ATL2: variants seen among roughly 807,000 people sequenced by gnomAD.
ATL2 encodes the protein atlastin GTPase 2.
Under a neutral mutation model 73.9 loss-of-function variants are expected in ATL2, and 31 were observed. The observed-to-expected ratio is 0.42, with a 90% CI of 0.32 to 0.57. The LOEUF (loss-of-function observed/expected upper bound fraction) is 0.57. ATL2 is among the 20% of genes least tolerant of loss of function. ATL2 has a pLI of 0.14. For missense variants in ATL2, 738 were observed against 702.6 expected (o/e 1.05, Z -0.57); for synonymous variants, 291 against 237.5 (o/e 1.23, Z -2.07).
Position 38,356,468 on chromosome 2 carries a change from C to G in ATL2, c.119-12956G>C, listed in dbSNP as rs193276593. On this transcript the variant is annotated intron_variant, in intron 1 of 12. Transcript: ENST00000378954. ...TCAGCCTCCCAAAGTGCTGGGATTA[C>G]AGGCATGAGCCACCACGCCTGGCCC... is the stretch of plus-strand genomic sequence containing the variant. 6.6e-5 allele frequency among the ~76,000 whole-genome samples: 10 copies of G among 152,272 alleles called. No homozygotes were observed. In the East Asian group the frequency reaches 1.5e-3, roughly 23 times the overall value.
chr2:38,301,120 G>C (rs1424172630), intron 9 of ATL2, among the ~76,000 whole-genome samples: 2 of 152,058 alleles, frequency 1.3e-5, no homozygotes, highest in Admixed American at 1.3e-4. Context: ...ACAGGCATGC[G>C]CCACCACATC....
At chr2:38,376,782 A>C (rs1671995313) in intron 1 of ATL2, among the ~76,000 whole-genome samples, 1 of 150,638 alleles carries the variant, frequency 6.6e-6, no homozygotes, top group Non-Finnish European at 1.5e-5. Flanking sequence ...GCCGCAGCCG[A>C]CCTCCCCGCG....
chr2:38,368,778 T>A (rs958157006), intron 1 of ATL2, among the ~76,000 whole-genome samples: 1 of 152,082 alleles, frequency 6.6e-6, no homozygotes, highest in African/African-American at 2.4e-5. Flanking sequence ...GCTCAAAAAA[T>A]ATTAAAAAGC....
intron 1 of ATL2, among the ~76,000 whole-genome samples, chr2:38,364,067 G>C (rs1671163291): frequency 6.6e-6 from 1 of 152,058 alleles, no homozygotes; most frequent in African/African-American, 2.4e-5. Flanking sequence ...TTGGAGACCA[G>C]CCTGACCAAC....
chr2:38,334,669 G>T (rs1183111276), intron 2 of ATL2, among the ~76,000 whole-genome samples: 1 of 151,128 alleles, frequency 6.6e-6, no homozygotes, highest in East Asian at 2.0e-4. Flanking sequence ...TTGCACTCCA[G>T]CCTGGGCAAC....
chr2:38,377,970 A>G (rs1489568162), upstream of ATL2, among the ~76,000 whole-genome samples: 1 of 152,104 alleles, frequency 6.6e-6, no homozygotes, highest in Non-Finnish European at 1.5e-5. Flanking sequence ...CACCTTGCAG[A>G]GGCATGCCAG....
chr2:38,377,288 A>C, upstream of ATL2: 1 of 1,507,758 alleles, frequency 6.6e-7, no homozygotes, highest in Non-Finnish European at 8.9e-7. Flanking sequence ...TTAACTCCCC[A>C]CTGACGTCAA....
rs569319619 is a variant in ATL2 at position 38,296,007 on chromosome 2, A to T, written c.1739T>A (p.Leu580Ter). 29 of 1,550,088 alleles carry T rather than the reference A, an allele frequency of 1.9e-5. No individual in the cohort carries two copies. Among genetic ancestry groups the T allele is most frequent in the Admixed American group, 1.4e-4 (7 of 50,978 alleles). Reference sequence around the variant, plus strand: ...GGAGATGAACTGTCAGTCTGTCTTTAATCTGGCATGATGAGACACCTGGTC... The same window carrying T: ...GGAGATGAACTGTCAGTCTGTCTTTTATCTGGCATGATGAGACACCTGGTC... ...LTDQVSHHARLKTD is the reference protein window; with the variant it reads ...LTDQVSHHAR Residue 580 changes from leucine to a stop codon, truncating the protein, a stop_gained, in exon 13 of 13, where the codon TTA becomes TAA. Transcript: ENST00000378954. LOFTEE classifies it high-confidence loss of function.
chr2:38,377,592 T>G (rs1397837023), upstream of ATL2, among the ~76,000 whole-genome samples: 11 of 151,896 alleles, frequency 7.2e-5, no homozygotes, highest in African/African-American at 2.7e-4. Context: ...CACACCCCCT[T>G]AGCGCTGGGC....
chr2:38,377,403 G>C (rs1265550614), upstream of ATL2: 11 of 656,974 alleles, frequency 1.7e-5, no homozygotes, highest in African/African-American at 1.9e-4. Flanking sequence ...GTATCTCCTC[G>C]CCCTCCGCCT....
intron 1 of ATL2, among the ~76,000 whole-genome samples, chr2:38,373,322 T>TA (rs1558466077): frequency 6.6e-6 from 1 of 152,224 alleles, no homozygotes; most frequent in Non-Finnish European, 1.5e-5. Flanking sequence ...AACAAGTTAT[T>TA]AGAGTTACTG....
chr2:38,301,921 G>C (rs1667211223), intron 9 of ATL2, among the ~76,000 whole-genome samples: 1 of 152,216 alleles, frequency 6.6e-6, no homozygotes, highest in Non-Finnish European at 1.5e-5. Context: ...CTCTGAGAGA[G>C]AGTCTTTCCT....
At chr2:38,302,327 C>T (rs1573429564) in intron 9 of ATL2, among the ~76,000 whole-genome samples, 1 of 135,970 alleles carries the variant, frequency 7.4e-6, no homozygotes, top group Admixed American at 6.9e-5. Flanking sequence ...GGTGTGATGG[C>T]TCACACCTGT....
At chr2:38,306,990 T>C (rs900669220) in intron 9 of ATL2, among the ~76,000 whole-genome samples, 10 of 152,180 alleles carry the variant, frequency 6.6e-5, no homozygotes, top group African/African-American at 2.2e-4. Flanking sequence ...ACCCCATCTC[T>C]AGCCATATAC....
intron 1 of ATL2, among the ~76,000 whole-genome samples, chr2:38,348,319 A>C (rs1247248871): frequency 6.6e-6 from 1 of 151,994 alleles, no homozygotes; most frequent in East Asian, 1.9e-4. Flanking sequence ...ATACAAAATT[A>C]GCCAGGAGTG....
intron 1 of ATL2, among the ~76,000 whole-genome samples, chr2:38,371,834 T>C (rs558166338): frequency 2.6e-5 from 4 of 151,424 alleles, no homozygotes; most frequent in African/African-American, 9.7e-5. Context: ...GAGGTGGAGA[T>C]TGCAGTGAGC....
At chr2:38,373,928 G>A (rs1183783253) in intron 1 of ATL2, among the ~76,000 whole-genome samples, 1 of 152,148 alleles carries the variant, frequency 6.6e-6, no homozygotes, top group Non-Finnish European at 1.5e-5. Context: ...TTTCGCTCTT[G>A]TTGCCCAGGC....
At chr2:38,370,150 CAAAAAAAAAAAA>C (rs962952444) in intron 1 of ATL2, among the ~76,000 whole-genome samples, 32 of 43,926 alleles carry the variant, frequency 7.3e-4, no homozygotes, top group Admixed American at 2.2e-3. Flanking sequence ...GAGACTCCGT[CAAAAAAAAAAAA>C]AAAAAAAAAG....
At chr2:38,342,623 C>A (rs1225051396) in intron 2 of ATL2, among the ~76,000 whole-genome samples, 2 of 152,132 alleles carry the variant, frequency 1.3e-5, no homozygotes, top group African/African-American at 4.8e-5. Context: ...GTTTGAGGAA[C>A]ACAGATATAC....
Sources: gnomAD v4.1 joint callset for allele counts (sites outside exome capture counted in the v4.1 genomes callset) on GRCh38, gnomAD v4.1.1 for gene constraint, MANE v1.5 for transcripts, NCBI Gene and HGNC (gene_info 2026-07-23, HGNC 2026-07-21) for gene names.